VWA8: variants seen among roughly 807,000 people sequenced by gnomAD.
VWA8 encodes the protein von Willebrand factor A domain containing 8.
Under a neutral mutation model 241.5 loss-of-function variants are expected in VWA8, and 221 were observed. The observed-to-expected ratio is 0.91, with a 90% CI of 0.82 to 1.02. The LOEUF (loss-of-function observed/expected upper bound fraction) is 1.02, where lower values mean the gene tolerates loss of function less well. Ranked by LOEUF, VWA8 falls within the 50% of genes least tolerant of loss-of-function variation. VWA8 has a pLI of 0.00. For missense variants in VWA8, 2,322 were observed against 2,328.7 expected (o/e 1.00, Z 0.06); for synonymous variants, 852 against 827.1 (o/e 1.03, Z -0.52).
chr13:41,697,521 G>A (rs1388160572), intron 29 of VWA8, among the ~76,000 whole-genome samples: 2 of 152,154 alleles, frequency 1.3e-5, no homozygotes, highest in Admixed American at 1.3e-4. Flanking sequence ...GAGGTGGGGT[G>A]GGGGCTGTGT....
intron 35 of VWA8, among the ~76,000 whole-genome samples, chr13:41,683,395 A>G (rs2045114035): frequency 1.3e-5 from 2 of 152,192 alleles, no homozygotes; most frequent in African/African-American, 4.8e-5. Flanking sequence ...TATTCTGGTA[A>G]AGGCAAATCT....
intron 34 of VWA8, 54 bp from the exon 35 acceptor site, chr13:41,685,296 C>T (rs952358750): frequency 4.7e-6 from 7 of 1,504,846 alleles, no homozygotes; most frequent in Non-Finnish European, 4.5e-6. Flanking sequence ...ACATTCACCA[C>T]AACCTTAACA....
At position 41,652,850 on chromosome 13, in the gene VWA8, T is replaced by A. The variant is rs1222352103; in HGVS notation, c.4611+18096A>T. ...AGATTTCTGGCTAGCCTAGTGACGA[T>A]GCTTTTATATTACAACTTCCAAATA... On this transcript the variant is annotated intron_variant, in intron 37 of 44. Transcript: ENST00000379310. Among the ~76,000 whole-genome samples the A allele has an allele frequency of 7.9e-5, 12 of 152,330 alleles. No individual in the cohort carries two copies. In the East Asian group the frequency reaches 2.3e-3, roughly 29 times the overall value.
intron 12 of VWA8, among the ~76,000 whole-genome samples, chr13:41,844,212 T>G (rs1872185539): frequency 6.6e-6 from 1 of 152,060 alleles, no homozygotes; most frequent in Non-Finnish European, 1.5e-5. Context: ...GATCACCACA[T>G]AAACAGAATT....
rs374607588 is a variant in VWA8 at position 41,761,083 on chromosome 13, T to A, written c.2426+45A>T. 6 of 1,572,552 alleles carry A rather than the reference T, an allele frequency of 3.8e-6. No homozygotes were observed. The African/African-American group carries it at 6.9e-5, about 18-fold the overall frequency. On this transcript the variant is annotated intron_variant, in intron 21 of 44. Transcript: ENST00000379310. ...TAAATTGTACCAGGAGGGAAACAAA[T>A]GATTAAATGAGATTTTTAAGAGGTT...
At chr13:41,861,420 A>G (rs1929209) in intron 12 of VWA8, among the ~76,000 whole-genome samples, 9,802 of 152,230 alleles carry the variant, frequency 0.064, 396 homozygotes, top group East Asian at 0.11. Flanking sequence ...CACTCTCACC[A>G]TTCCTATTCA....
intron 12 of VWA8, among the ~76,000 whole-genome samples, chr13:41,857,368 G>T (rs559773938): frequency 1.3e-5 from 2 of 152,058 alleles, no homozygotes; most frequent in Non-Finnish European, 2.9e-5. Context: ...CAGAAATGGC[G>T]ATGTATTACA....
chr13:41,655,546 T>C (rs1566403721), intron 37 of VWA8, among the ~76,000 whole-genome samples: 5 of 152,198 alleles, frequency 3.3e-5, no homozygotes, highest in Admixed American at 1.3e-4. Context: ...AATGTAATTA[T>C]ATTTTATGAA....
intron 21 of VWA8, among the ~76,000 whole-genome samples, chr13:41,739,866 T>G (rs1397255651): frequency 2.8e-4 from 34 of 121,794 alleles, no homozygotes; most frequent in African/African-American, 8.2e-4. Flanking sequence ...TGTTTTTTTT[T>G]TTTTTTGAGA....
At chr13:41,718,495 A>C (rs1450400666) in intron 26 of VWA8, among the ~76,000 whole-genome samples, 1 of 151,966 alleles carries the variant, frequency 6.6e-6, no homozygotes, top group Non-Finnish European at 1.5e-5. Context: ...TTACTTATTC[A>C]TTAATAATAT....
At chr13:41,579,214 G>A (rs201739670) in intron 42 of VWA8, among the ~76,000 whole-genome samples, 3 of 152,226 alleles carry the variant, frequency 2.0e-5, no homozygotes, top group East Asian at 3.9e-4. Context: ...AAACTACTAG[G>A]TGTAAAATTC....
At chr13:41,876,286 C>T (rs552869165) in intron 9 of VWA8, among the ~76,000 whole-genome samples, 1 of 152,176 alleles carries the variant, frequency 6.6e-6, no homozygotes, top group South Asian at 2.1e-4. Flanking sequence ...GGTGTTCCAC[C>T]TCACACAGAC....
intron 14 of VWA8, among the ~76,000 whole-genome samples, chr13:41,830,191 C>A (rs1399170057): frequency 6.7e-6 from 1 of 148,204 alleles, no homozygotes; most frequent in Non-Finnish European, 1.5e-5. Flanking sequence ...TGCAATGAGC[C>A]GAGATTGCGC....
At chr13:41,617,533 C>G (rs1268854390) in intron 37 of VWA8, among the ~76,000 whole-genome samples, 1 of 152,072 alleles carries the variant, frequency 6.6e-6, no homozygotes. Context: ...TACATGTGCA[C>G]AACGTGCAGG....
At chr13:41,777,489 T>C (rs1188648780) in intron 20 of VWA8, among the ~76,000 whole-genome samples, 3 of 152,020 alleles carry the variant, frequency 2.0e-5, no homozygotes, top group Admixed American at 1.3e-4. Context: ...GGCTTAGGAA[T>C]AGAGGGGTGG....
At chr13:41,885,892 A>T in intron 8 of VWA8, 28 bp downstream of exon 8, 1 of 1,482,222 alleles carries the variant, frequency 6.7e-7, no homozygotes, top group East Asian at 2.3e-5. Flanking sequence ...ATATTTGGGT[A>T]TGCCAGTCAT....
intron 7 of VWA8, 53 bp from the exon 8 acceptor site, chr13:41,886,081 A>C (rs1874520735): frequency 1.6e-6 from 2 of 1,240,254 alleles, no homozygotes; most frequent in Admixed American, 2.8e-5. Flanking sequence ...AAAATGTGTA[A>C]GTTGTTAAAT....
At chr13:41,710,970 T>G (rs2045312359) in intron 26 of VWA8, among the ~76,000 whole-genome samples, 1 of 152,192 alleles carries the variant, frequency 6.6e-6, no homozygotes. Flanking sequence ...AGAAAACCGA[T>G]TCTAGGCAGA....
intron 8 of VWA8, among the ~76,000 whole-genome samples, chr13:41,884,738 CA>C (rs981420467): frequency 2.6e-5 from 4 of 151,876 alleles, no homozygotes; most frequent in African/African-American, 9.7e-5. Flanking sequence ...CAAAAGATTT[CA>C]TAAGAATTTT....
Sources: gnomAD v4.1 joint callset for allele counts (sites outside exome capture counted in the v4.1 genomes callset) on GRCh38, gnomAD v4.1.1 for gene constraint, MANE v1.5 for transcripts, NCBI Gene and HGNC (gene_info 2026-07-23, HGNC 2026-07-21) for gene names.